The following MTF2 variants were observed in gnomAD, a reference collection of about 807,000 sequenced individuals.
MTF2 encodes metal response element binding transcription factor 2.
In MTF2, 11 loss-of-function variants were observed where a neutral mutation model predicts 79.5. The ratio of observed to expected loss-of-function variants is 0.14; its 90% CI spans 0.09 to 0.23. The LOEUF is 0.23. MTF2 is among the 10% of genes least tolerant of loss of function. The probability of loss-of-function intolerance (pLI) is 1.00; values close to 1 mark genes in which losing one functional copy is unlikely to be tolerated. For synonymous variants in MTF2, 208 were observed against 232.8 expected (o/e 0.89, Z 0.97); for missense variants, 486 against 711.2 (o/e 0.68, Z 3.60).
At chr1:93,130,577 A>C (rs1656878131) in intron 11 of MTF2, among the ~76,000 whole-genome samples, 1 of 115,076 alleles carries the variant, frequency 8.7e-6, no homozygotes, top group South Asian at 2.5e-4. Context: ...ACTCTGTCTC[A>C]AAAAAAAAAA....
At chr1:93,125,780 A>G (rs1211695432) in intron 9 of MTF2, among the ~76,000 whole-genome samples, 2 of 152,058 alleles carry the variant, frequency 1.3e-5, no homozygotes, top group East Asian at 3.8e-4. Flanking sequence ...TAGCTATTAA[A>G]CATTTTAACC....
rs550794295 is a variant in MTF2, at chr1:93,081,890, T to C, written c.5+2359T>C. 4.0e-4 allele frequency among the ~76,000 whole-genome samples: 61 copies of C among 152,328 alleles called. No homozygotes were observed. The South Asian group carries it at 0.012, about 31-fold the overall frequency. Reference sequence around the variant, plus strand: ...ACAGTAGTAGGGGTTATTGCATCCATGTATTGAGGAATTGTTACATTCATT... The same window carrying C: ...ACAGTAGTAGGGGTTATTGCATCCACGTATTGAGGAATTGTTACATTCATT... On this transcript the variant is annotated intron_variant, in intron 1 of 14. Coordinates refer to ENST00000370298, the MANE Select transcript of MTF2 (RefSeq NM_007358.4).
chr1:93,101,690 A>G (rs1655554075), intron 1 of MTF2, among the ~76,000 whole-genome samples: 1 of 147,196 alleles, frequency 6.8e-6, no homozygotes, highest in Admixed American at 7.0e-5. Context: ...CAATTCTCCC[A>G]TCTCAGCTTC....
At chr1:93,130,857 A>G (rs1571254134) in intron 11 of MTF2, among the ~76,000 whole-genome samples, 2 of 152,202 alleles carry the variant, frequency 1.3e-5, no homozygotes, top group Admixed American at 6.5e-5. Context: ...TGGGTGGTTA[A>G]TCAAGATCTG....
At chr1:93,097,490 T>C (rs1331510801) in intron 1 of MTF2, among the ~76,000 whole-genome samples, 2 of 152,228 alleles carry the variant, frequency 1.3e-5, no homozygotes, top group Non-Finnish European at 2.9e-5. Flanking sequence ...ATGCCATGAT[T>C]ATTTTAAAAA....
chr1:93,107,787 T>G, intron 1 of MTF2, among the ~76,000 whole-genome samples: 1 of 152,062 alleles, frequency 6.6e-6, no homozygotes, highest in East Asian at 1.9e-4. Context: ...TCTTTTCTTT[T>G]CTTCTTTTCT....
At chr1:93,134,289 A>AG in intron 14 of MTF2, 94 bp downstream of exon 14, 1 of 888,024 alleles carries the variant, frequency 1.1e-6, no homozygotes, top group South Asian at 1.7e-5. Flanking sequence ...AGCAATTGAA[A>AG]GTGATGTAAG....
At chr1:93,108,133 T>C (rs1295821833) in intron 1 of MTF2, among the ~76,000 whole-genome samples, 1 of 152,186 alleles carries the variant, frequency 6.6e-6, no homozygotes, top group Non-Finnish European at 1.5e-5. Context: ...TCCTTTATGC[T>C]ATTATTGCCA....
rs1647505844 is a variant in MTF2 at position 93,138,715 on chromosome 1, G to A, written c.*1688G>A. The A allele has an allele frequency of 6.6e-6, 1 of 152,150 alleles. No homozygotes were observed. The highest frequency in any genetic ancestry group is 1.5e-5 in the Non-Finnish European group (1 of 68,020). 9.4% of individuals were successfully genotyped at this position (152,150 alleles called of 1,614,324 possible). A position where few individuals can be genotyped will look rare whatever the true frequency, so the allele number is the denominator to read the frequency against. On this transcript the variant is annotated 3_prime_UTR_variant, in exon 15 of 15. Transcript: ENST00000370298. Reference sequence around the variant, plus strand: ...TTAATTTAAGGTTGCCTTTCCTGCAGCTGCAATATTTTGAATAACACACAG... The same window carrying A: ...TTAATTTAAGGTTGCCTTTCCTGCAACTGCAATATTTTGAATAACACACAG...
chr1:93,086,496 C>CAAAAA (rs10648696), intron 1 of MTF2, among the ~76,000 whole-genome samples: 5 of 97,814 alleles, frequency 5.1e-5, no homozygotes, highest in African/African-American at 1.8e-4. Flanking sequence ...GAGACTGTCT[C>CAAAAA]AAAAAAAAAA....
At chr1:93,083,486 G>T (rs760563570) in intron 1 of MTF2, among the ~76,000 whole-genome samples, 26 of 152,108 alleles carry the variant, frequency 1.7e-4, no homozygotes, top group Non-Finnish European at 8.8e-5. Flanking sequence ...CATTTGGGTT[G>T]TTCCCACATT....
chr1:93,088,422 C>T (rs1474609285), intron 1 of MTF2, among the ~76,000 whole-genome samples: 2 of 151,842 alleles, frequency 1.3e-5, no homozygotes, highest in Admixed American at 1.3e-4. Context: ...ATTTAGATGG[C>T]TATGGGTATT....
At chr1:93,131,196 A>G (rs1473477953) in intron 11 of MTF2, among the ~76,000 whole-genome samples, 2 of 152,204 alleles carry the variant, frequency 1.3e-5, no homozygotes, top group African/African-American at 4.8e-5. Flanking sequence ...CAAGGAGACT[A>G]AAAAAGAATG....
At chr1:93,133,000 A>G (rs1656982871) in intron 11 of MTF2, among the ~76,000 whole-genome samples, 1 of 151,828 alleles carries the variant, frequency 6.6e-6, no homozygotes, top group Non-Finnish European at 1.5e-5. Flanking sequence ...CTTTTTTTCT[A>G]TAATTAGTGT....
At position 93,136,946 on chromosome 1, in the gene MTF2, A is replaced by C; in HGVS notation, c.1701A>C (p.Lys567Asn). Reference protein sequence around the residue: ...GAAGRIACGEKYRVLARRVTL... With the variant: ...GAAGRIACGENYRVLARRVTL... ...CAGGTAGAATAGCATGTGGCGAAAA[A>C]TACCGAGTTTTGGCACGTCGGGTGA... The change falls in exon 15 of 15, where the codon AAA (lysine) becomes AAC (asparagine). Residue 567 changes from lysine to asparagine, a missense_variant. Physicochemically the swap from Lys to Asn is moderately conservative, Grantham distance 94 (BLOSUM62 0). Coordinates refer to ENST00000370298, the MANE Select transcript of MTF2 (RefSeq NM_007358.4). 1 of 1,614,144 alleles carries C rather than the reference A, an allele frequency of 6.2e-7. No individual in the cohort carries two copies. Among genetic ancestry groups the C allele is most frequent in the Non-Finnish European group, 8.5e-7 (1 of 1,180,004 alleles).
chr1:93,109,479 G>C (rs918094509), intron 1 of MTF2, among the ~76,000 whole-genome samples: 1 of 152,168 alleles, frequency 6.6e-6, no homozygotes, highest in Middle Eastern at 3.4e-3. Context: ...CATCACAGGT[G>C]TGTACCACCA....
At chr1:93,126,036 A>G (rs749368461) in intron 9 of MTF2, among the ~76,000 whole-genome samples, 1 of 152,076 alleles carries the variant, frequency 6.6e-6, no homozygotes, top group African/African-American at 2.4e-5. Context: ...TTCAAGCTTT[A>G]AAGTCTGATT....
In MTF2 at chr1:93,129,259, A is replaced by C. The variant is rs757006114; in HGVS notation, c.990-19A>C. 35 of 1,510,274 alleles carry C rather than the reference A, an allele frequency of 2.3e-5. No homozygotes were observed. Among genetic ancestry groups the C allele is most frequent in the Non-Finnish European group, 2.9e-5 (33 of 1,119,120 alleles). The allele number at this position is 1,510,274 out of a possible 1,614,324, so 93.6% of individuals were successfully genotyped here. On this transcript the variant is annotated intron_variant, in intron 10 of 14. Coordinates refer to ENST00000370298, the MANE Select transcript of MTF2 (RefSeq NM_007358.4). ...GTGTTCAGTTTTTAAAATTTTAGTT[A>C]ATTTTTTTAAAAATTTAGGTTTATG... is the stretch of plus-strand genomic sequence containing the variant.
intron 1 of MTF2, among the ~76,000 whole-genome samples, chr1:93,089,440 A>AAT (rs1654979742): frequency 2.0e-5 from 3 of 152,270 alleles, no homozygotes; most frequent in Admixed American, 2.0e-4. Flanking sequence ...AAAGTTTTAG[A>AAT]GTTCCAGTGA....
Sources: gnomAD v4.1 joint callset for allele counts (sites outside exome capture counted in the v4.1 genomes callset) on GRCh38, gnomAD v4.1.1 for gene constraint, MANE v1.5 for transcripts, NCBI Gene and HGNC (gene_info 2026-07-23, HGNC 2026-07-21) for gene names.